The following DLG1 variants were observed in gnomAD, a reference collection of about 807,000 sequenced individuals.
DLG1 encodes the protein discs large MAGUK scaffold protein 1, also known as disks large homolog 1.
A neutral mutation model predicts 123.4 loss-of-function variants in DLG1; 42 were observed. The ratio of observed to expected loss-of-function variants is 0.34; its 90% CI spans 0.27 to 0.44. The LOEUF is 0.44. Ranked by LOEUF, DLG1 falls within the 20% of genes least tolerant of loss-of-function variation. DLG1 has a pLI of 1.00. For missense variants in DLG1, 942 were observed against 1,082.6 expected, an observed-to-expected ratio of 0.87 and a Z score of 1.82; for synonymous variants, 317 against 356.2, an observed-to-expected ratio of 0.89 and a Z score of 1.24.
chr3:197,093,815 G>A (rs9881994), intron 14 of DLG1, among the ~76,000 whole-genome samples: 63,139 of 151,948 alleles, frequency 0.42, 13,688 homozygotes, highest in East Asian at 0.74. Flanking sequence ...AAAGATGCCT[G>A]CATCCCACAT....
At chr3:197,263,026 T>C (rs1001815393) in intron 4 of DLG1, among the ~76,000 whole-genome samples, 1 of 149,314 alleles carries the variant, frequency 6.7e-6, no homozygotes, top group Non-Finnish European at 1.5e-5. Context: ...AAAGCTCATA[T>C]AAGGCTCAAG....
intron 13 of DLG1, among the ~76,000 whole-genome samples, chr3:197,109,550 CTTATG>C (rs2149349910): frequency 6.6e-6 from 1 of 152,236 alleles, no homozygotes; most frequent in East Asian, 1.9e-4. Context: ...AAACAATACC[CTTATG>C]TTGTTTTATA....
At chr3:197,202,175 A>G (rs908789100) in intron 4 of DLG1, among the ~76,000 whole-genome samples, 3 of 152,192 alleles carry the variant, frequency 2.0e-5, no homozygotes, top group African/African-American at 7.2e-5. Flanking sequence ...AACCATAACA[A>G]ATGTAAGATG....
intron 4 of DLG1, among the ~76,000 whole-genome samples, chr3:197,281,248 AG>A: frequency 6.6e-6 from 1 of 152,290 alleles, no homozygotes; most frequent in South Asian, 2.1e-4. Context: ...CATGTTGGCC[AG>A]GCTGGTCTCA....
At chr3:197,277,960 T>G (rs138742957) in intron 4 of DLG1, among the ~76,000 whole-genome samples, 15 of 151,698 alleles carry the variant, frequency 9.9e-5, no homozygotes, top group African/African-American at 3.6e-4. Context: ...GGCAACATAG[T>G]GAGACCCAGT....
intron 14 of DLG1, 42 bp downstream of exon 14, chr3:197,104,861 A>G: frequency 7.4e-7 from 1 of 1,358,538 alleles, no homozygotes; most frequent in Non-Finnish European, 1.0e-6. Flanking sequence ...AATTTTAAAA[A>G]CTAAAATAAG....
At chr3:197,149,135 C>T (rs760407527) in intron 6 of DLG1, among the ~76,000 whole-genome samples, 7 of 152,126 alleles carry the variant, frequency 4.6e-5, no homozygotes, top group African/African-American at 1.4e-4. Context: ...GTTGTGCCAT[C>T]ATCATTACTT....
intron 13 of DLG1, among the ~76,000 whole-genome samples, chr3:197,112,866 G>A (rs1229681119): frequency 1.3e-5 from 2 of 152,144 alleles, no homozygotes; most frequent in Non-Finnish European, 2.9e-5. Context: ...GAGTTACTGG[G>A]ATTATAAGCA....
intron 14 of DLG1, 129 bp downstream of exon 14, chr3:197,104,774 A>G: frequency 1.5e-6 from 1 of 675,770 alleles, no homozygotes; most frequent in Non-Finnish European, 2.6e-6. Flanking sequence ...CAAATACTGG[A>G]TTAGCAAATC....
At position 197,138,348 on chromosome 3, in the gene DLG1, C is replaced by A. The variant is rs1178053626; in HGVS notation, c.757G>T (p.Asp253Tyr). ...TCAACTGCTTTGCTATGTGTTACAT[C>A]ACGAACATCTACTTCATTTACTCGT... ...ILRVNEVDVR[D>Y]VTHSKAVEAL... The change falls in exon 9 of 25, where the codon GAT (aspartate) becomes TAT (tyrosine). Residue 253 changes from aspartate (D) to tyrosine (Y), a missense_variant. Transcript: ENST00000667157. 6 of 1,570,772 alleles carry A rather than the reference C, an allele frequency of 3.8e-6. No homozygotes were observed. Among genetic ancestry groups the A allele is most frequent in the Non-Finnish European group, 5.2e-6 (6 of 1,153,414 alleles).
At chr3:197,297,319 G>A (rs1777915864) in intron 1 of DLG1, 84 bp from the exon 2 acceptor site, 2 of 1,546,306 alleles carry the variant, frequency 1.3e-6, no homozygotes, top group Non-Finnish European at 8.7e-7. Context: ...AACCCTCGCA[G>A]CCTATTTGAA....
At chr3:197,209,061 T>C (rs926678221) in intron 4 of DLG1, among the ~76,000 whole-genome samples, 2 of 146,300 alleles carry the variant, frequency 1.4e-5, no homozygotes, top group African/African-American at 4.9e-5. Context: ...ATCAGATTTC[T>C]CATATTTAAA....
intron 4 of DLG1, among the ~76,000 whole-genome samples, chr3:197,207,542 T>G (rs1450681082): frequency 6.6e-6 from 1 of 152,144 alleles, no homozygotes; most frequent in African/African-American, 2.4e-5. Flanking sequence ...GTAACTGAAA[T>G]TCTTGTAAAA....
intron 4 of DLG1, among the ~76,000 whole-genome samples, chr3:197,207,910 T>A (rs1408045721): frequency 6.9e-6 from 1 of 145,116 alleles, no homozygotes; most frequent in Non-Finnish European, 1.5e-5. Flanking sequence ...AGCTGTAACA[T>A]AATACTGAGA....
rs1174224321 is a variant in DLG1, at chr3:197,282,732, T to C, written c.265A>G (p.Ser89Gly). ...VNTWEISSLP[S>G]STVTSETLPS... ...AGTGTCTCTGAAGTCACAGTAGAGC[T>C]TGGAAGGCTGGAAATCTCCCAAGTA... Residue 89 changes from serine (S) to glycine (G), a missense_variant, in exon 4 of 25, where the codon AGC (serine) becomes GGC (glycine). Transcript: ENST00000667157. 2 of 1,612,424 alleles carry C rather than the reference T, an allele frequency of 1.2e-6. No individual in the cohort carries two copies. Among genetic ancestry groups the C allele is most frequent in the Non-Finnish European group, 8.5e-7 (1 of 1,179,294 alleles).
chr3:197,181,378 A>G (rs1394175284), intron 5 of DLG1, among the ~76,000 whole-genome samples: 1 of 152,214 alleles, frequency 6.6e-6, no homozygotes, highest in Admixed American at 6.5e-5. Context: ...TTATTTACCA[A>G]TCGCAGTACA....
At chr3:197,073,941 A>C (rs572687751) in intron 18 of DLG1, among the ~76,000 whole-genome samples, 1 of 151,970 alleles carries the variant, frequency 6.6e-6, no homozygotes, top group African/African-American at 2.4e-5. Flanking sequence ...ATTAAGTTGC[A>C]CTTATTTTCT....
chr3:197,262,054 A>G (rs1156433942), intron 4 of DLG1, among the ~76,000 whole-genome samples: 1 of 152,236 alleles, frequency 6.6e-6, no homozygotes, highest in Non-Finnish European at 1.5e-5. Flanking sequence ...GAAATTCCTA[A>G]GTAATGGGAA....
In DLG1 at chr3:197,043,795, G is replaced by A. The variant is rs933619004; in HGVS notation, c.*828C>T. Reference sequence around the variant, plus strand: ...TTTCCATTGCCATGATGGTTACTACGTCACCACTGTAACGTCTGATTTATC... The same window carrying A: ...TTTCCATTGCCATGATGGTTACTACATCACCACTGTAACGTCTGATTTATC... On this transcript the variant is annotated 3_prime_UTR_variant, in exon 25 of 25. Coordinates refer to ENST00000667157, the MANE Select transcript of DLG1 (RefSeq NM_001366207.1). 1.3e-5 allele frequency: 2 copies of A among 151,924 alleles called. No individual in the cohort carries two copies. The highest frequency in any genetic ancestry group is 2.9e-5 in the Non-Finnish European group (2 of 67,986). 9.4% of individuals were successfully genotyped at this position (151,924 alleles called of 1,614,324 possible).
Sources: allele counts gnomAD v4.1 joint callset (sites outside exome capture counted in the v4.1 genomes callset), GRCh38; gene constraint gnomAD v4.1.1; transcripts MANE v1.5; gene names NCBI Gene and HGNC (gene_info 2026-07-23, HGNC 2026-07-21).